The following SLC26A9 variants were observed in gnomAD, a reference collection of about 807,000 sequenced individuals.
The protein encoded by SLC26A9 is anion transporter/exchanger protein 9.
SLC26A9 carries 46 observed loss-of-function variants against 87.1 expected under a neutral mutation model. The ratio of observed to expected loss-of-function variants is 0.53; its 90% CI spans 0.42 to 0.67. The LOEUF is 0.67. Ranked by LOEUF, SLC26A9 falls within the 30% of genes least tolerant of loss-of-function variation. The pLI is 0.00. For synonymous variants in SLC26A9, 437 were observed against 409.1 expected (o/e 1.07, Z -0.82); for missense variants, 927 against 1,018.3 (o/e 0.91, Z 1.22).
intron 2 of SLC26A9, among the ~76,000 whole-genome samples, chr1:205,933,448 G>A (rs1231138189): frequency 6.6e-6 from 1 of 152,148 alleles, no homozygotes; most frequent in East Asian, 1.9e-4. Flanking sequence ...TCCCAGGCCT[G>A]GGTAACTGCA....
chr1:205,927,172 A>G, intron 11 of SLC26A9, 39 bp downstream of exon 11: 1 of 1,602,376 alleles, frequency 6.2e-7, no homozygotes, highest in Non-Finnish European at 8.6e-7. Context: ...TTCTTATTGG[A>G]GTCTTTCGTT....
Position 205,923,181 on chromosome 1 carries a change from G to C in SLC26A9, c.1674C>G (p.Pro558=), listed in dbSNP as rs1342589221. The C allele has an allele frequency of 1.2e-6, 2 of 1,613,912 alleles. No individual in the cohort carries two copies. The highest frequency in any genetic ancestry group is 1.7e-6 in the Non-Finnish European group (2 of 1,180,026). Residue 558 remains proline (P), a synonymous_variant, in exon 16 of 21, where the codon CCC becomes CCG. Coordinates refer to ENST00000367135, the MANE Select transcript of SLC26A9 (RefSeq NM_052934.4). ...TTTGCTTGGCTAGTAATACTTTCTG[G>C]GGGTCCATGCCTGTCTGCAGGGAGA... ...QKVIAKTGMD[P]QKVLLAKQKY...
rs1359249065 is a variant in SLC26A9 at position 205,915,281 on chromosome 1, G to A, written c.*76C>T. ...CACTTTCCTCCGCCCGACACCCCCT[G>A]TGACCCCAGGCTCATCCTTTATGGA... is the stretch of plus-strand genomic sequence containing the variant. On this transcript the variant is annotated 3_prime_UTR_variant, in exon 21 of 21. Coordinates refer to ENST00000367135, the MANE Select transcript of SLC26A9 (RefSeq NM_052934.4). 1 of 1,607,014 alleles carries A rather than the reference G, an allele frequency of 6.2e-7. No individual in the cohort carries two copies. Among genetic ancestry groups the A allele is most frequent in the East Asian group, 2.2e-5 (1 of 44,792 alleles).
Position 205,919,002 on chromosome 1 carries a change from T to A in SLC26A9, c.2111-17A>T. On this transcript the variant is annotated splice_polypyrimidine_tract_variant and intron_variant, in intron 18 of 20. Transcript: ENST00000367135. The stretch of plus-strand genomic sequence containing the variant: ...ACACCTGGGCTAGAAGGAGAAAAGA[T>A]CACCTTCAGAAAGATAACAGCCATT... 6.2e-7 allele frequency: 1 copy of A among 1,613,322 alleles called. No individual in the cohort carries two copies. Among genetic ancestry groups the A allele is most frequent in the Non-Finnish European group, 8.5e-7 (1 of 1,179,346 alleles).
At position 205,917,310 on chromosome 1, in the gene SLC26A9, G is replaced by C. The variant is rs747396326; in HGVS notation, c.2301C>G (p.Asp767Glu). ...AELSLYDSEE[D>E]IRSYWDLEQE... Reference sequence around the variant, plus strand: ...GCTCTAAGTCCCAGTAGCTGCGAATGTCCTCCTCTGAGTCGTACAAGGAGA... The same window carrying C: ...GCTCTAAGTCCCAGTAGCTGCGAATCTCCTCCTCTGAGTCGTACAAGGAGA... The change falls in exon 20 of 21, where the codon GAC becomes GAG. Residue 767 changes from aspartate to glutamate, a missense_variant. By Grantham distance (45) the Asp-to-Glu change is conservative. Transcript: ENST00000367135. 1 of 1,613,934 alleles carries C rather than the reference G, an allele frequency of 6.2e-7. No homozygotes were observed. The highest frequency in any genetic ancestry group is 8.5e-7 in the Non-Finnish European group (1 of 1,179,986).
intron 2 of SLC26A9, among the ~76,000 whole-genome samples, chr1:205,934,913 C>T (rs1008319138): frequency 2.0e-5 from 3 of 152,206 alleles, no homozygotes; most frequent in African/African-American, 2.4e-5. Flanking sequence ...CCAGTTCCAC[C>T]TGCGTCTCCA....
chr1:205,920,646 C>T (rs2102574889), intron 17 of SLC26A9, among the ~76,000 whole-genome samples: 1 of 152,258 alleles, frequency 6.6e-6, no homozygotes, highest in East Asian at 1.9e-4. Context: ...ACTACAGGGG[C>T]CCGTCACCAC....
intron 20 of SLC26A9, 112 bp downstream of exon 20, chr1:205,917,171 C>T: frequency 1.1e-6 from 1 of 881,816 alleles, no homozygotes. Context: ...TTGAATGTGA[C>T]TGCTCTGGGC....
At chr1:205,930,923 C>T (rs1659276973) in intron 5 of SLC26A9, among the ~76,000 whole-genome samples, 1 of 152,210 alleles carries the variant, frequency 6.6e-6, no homozygotes, top group Non-Finnish European at 1.5e-5. Flanking sequence ...GCTTATCTCA[C>T]TGCATACAAA....
chr1:205,918,146 C>G (rs1658672270), intron 19 of SLC26A9, among the ~76,000 whole-genome samples: 1 of 152,052 alleles, frequency 6.6e-6, no homozygotes, highest in Non-Finnish European at 1.5e-5. Flanking sequence ...AGGTTTTTAC[C>G]CAGGGCTGGG....
intron 13 of SLC26A9, 26 bp from the exon 14 acceptor site, chr1:205,923,639 A>G: frequency 6.2e-7 from 1 of 1,613,946 alleles, no homozygotes; most frequent in Non-Finnish European, 8.5e-7. Flanking sequence ...AGAGAAAAAC[A>G]TAAGAGAATG....
intron 12 of SLC26A9, among the ~76,000 whole-genome samples, chr1:205,925,883 C>A (rs923643037): frequency 6.6e-6 from 1 of 152,192 alleles, no homozygotes. Context: ...CTATGCCCAG[C>A]GGATGATGCG....
At chr1:205,928,686 A>T (rs1052788430) in intron 8 of SLC26A9, 141 bp downstream of exon 8, 4 of 754,740 alleles carry the variant, frequency 5.3e-6, no homozygotes, top group Non-Finnish European at 8.7e-6. Flanking sequence ...GGAAACGGTA[A>T]TAGTAATAAT....
intron 12 of SLC26A9, among the ~76,000 whole-genome samples, chr1:205,926,174 T>C (rs1659059241): frequency 1.3e-5 from 2 of 152,228 alleles, no homozygotes; most frequent in Non-Finnish European, 2.9e-5. Flanking sequence ...AAAGTAGTCA[T>C]AGCTAAGCTT....
Position 205,913,356 on chromosome 1 carries a change from G to A in SLC26A9, c.*2001C>T, listed in dbSNP as rs1001224493. The A allele has an allele frequency of 2.6e-5, 4 of 152,506 alleles. No homozygotes were observed. Among genetic ancestry groups the A allele is most frequent in the South Asian group, 2.1e-4 (1 of 4,820 alleles). The allele number at this position is 152,506 out of a possible 1,614,324, so 9.4% of individuals were successfully genotyped here. Reference sequence around the variant, plus strand: ...GTGTTTCCAATCTTACCTCCACAGCGGGCTCTGCAACCCTCAGACATGTGG... The same window carrying A: ...GTGTTTCCAATCTTACCTCCACAGCAGGCTCTGCAACCCTCAGACATGTGG... On this transcript the variant is annotated 3_prime_UTR_variant, in exon 21 of 21. Transcript: ENST00000367135.
intron 5 of SLC26A9, among the ~76,000 whole-genome samples, chr1:205,930,469 T>G (rs1558126336): frequency 6.6e-6 from 1 of 152,202 alleles, no homozygotes; most frequent in Non-Finnish European, 1.5e-5. Context: ...GCCCCATCTC[T>G]TTCTCTACCT....
intron 1 of SLC26A9, among the ~76,000 whole-genome samples, chr1:205,942,433 C>T (rs1267251910): frequency 1.3e-5 from 2 of 152,204 alleles, no homozygotes; most frequent in Non-Finnish European, 2.9e-5. Context: ...TCTCAGTCTG[C>T]CCACTTGGGG....
intron 12 of SLC26A9, among the ~76,000 whole-genome samples, chr1:205,925,421 G>C (rs1281791278): frequency 6.6e-6 from 1 of 152,218 alleles, no homozygotes; most frequent in African/African-American, 2.4e-5. Context: ...GATTCCTGTA[G>C]AGAATTGCTG....
intron 1 of SLC26A9, among the ~76,000 whole-genome samples, chr1:205,942,026 C>T (rs72752928): frequency 0.084 from 12,838 of 152,214 alleles, 621 homozygotes; most frequent in Middle Eastern, 0.12. Context: ...ACCCCACAGC[C>T]CCCAAAGCTT....
Sources: gnomAD v4.1 joint callset for allele counts (sites outside exome capture counted in the v4.1 genomes callset) on GRCh38, gnomAD v4.1.1 for gene constraint, MANE v1.5 for transcripts, NCBI Gene and HGNC (gene_info 2026-07-23, HGNC 2026-07-21) for gene names.